Variants in DNM3 observed in about 807,000 individuals in gnomAD.
DNM3 encodes the protein dynamin-3.
Under a neutral mutation model 101.6 loss-of-function variants are expected in DNM3, and 47 were observed. The ratio of observed to expected loss-of-function variants is 0.46; its 90% CI spans 0.37 to 0.59. The LOEUF is 0.59. DNM3 is among the 20% of genes least tolerant of loss of function. The probability of loss-of-function intolerance (pLI) is 0.00; values close to 1 mark genes in which losing one functional copy is unlikely to be tolerated. For missense variants in DNM3, 849 were observed against 1,085.7 expected, an observed-to-expected ratio of 0.78 and a Z score of 3.06; for synonymous variants, 385 against 387.9, an observed-to-expected ratio of 0.99 and a Z score of 0.09.
chr1:171,852,025 A>G (rs2033038526), intron 1 of DNM3, among the ~76,000 whole-genome samples: 1 of 152,208 alleles, frequency 6.6e-6, no homozygotes, highest in Admixed American at 6.5e-5. Context: ...TTTTTATTAG[A>G]GAAGACACAA....
At chr1:172,299,296 G>A (rs114027258) in intron 15 of DNM3, among the ~76,000 whole-genome samples, 2,328 of 152,310 alleles carry the variant, frequency 0.015, 34 homozygotes, top group Non-Finnish European at 0.022. Context: ...CCATCATAGG[G>A]AGTGTGGCCT....
intron 14 of DNM3, among the ~76,000 whole-genome samples, chr1:172,154,635 G>A (rs756064517): frequency 1.3e-5 from 2 of 151,962 alleles, no homozygotes; most frequent in East Asian, 3.9e-4. Flanking sequence ...ATCCCACCCC[G>A]TAAATGTATT....
At chr1:172,289,767 A>G in intron 15 of DNM3, 2 of 985,222 alleles carry the variant, frequency 2.0e-6, no homozygotes, top group Non-Finnish European at 2.4e-6. Context: ...TTTAGTAAAC[A>G]GTGTGTAATT....
chr1:172,192,574 T>C (rs1287483274), intron 14 of DNM3, among the ~76,000 whole-genome samples: 1 of 137,174 alleles, frequency 7.3e-6, no homozygotes. Context: ...CCCCTTCCTG[T>C]GTCCATGTGT....
intron 1 of DNM3, among the ~76,000 whole-genome samples, chr1:171,850,228 A>C (rs1003159221): frequency 9.2e-5 from 14 of 152,168 alleles, no homozygotes; most frequent in African/African-American, 3.4e-4. Flanking sequence ...TTGAAATAAT[A>C]CCAAATCACT....
At chr1:171,998,137 T>A (rs543423184) in intron 4 of DNM3, among the ~76,000 whole-genome samples, 1 of 152,284 alleles carries the variant, frequency 6.6e-6, no homozygotes, top group African/African-American at 2.4e-5. Flanking sequence ...ATAGTGTAAT[T>A]CTTTCCATTA....
In DNM3 at chr1:172,160,638, G is replaced by A. The variant is rs115902751; in HGVS notation, c.1659+29350G>A. ...ACCTTCCTCTGGAATGCCTTTTCCA[G>A]GACCTGCCTATGACTGTTTTACAGT... On this transcript the variant is annotated intron_variant, in intron 14 of 20. Transcript: ENST00000627582. Among the ~76,000 whole-genome samples, 1,026 of 151,962 alleles carry A rather than the reference G, an allele frequency of 6.8e-3. 16 individuals are homozygous for A. The highest frequency in any genetic ancestry group is 0.024 in the African/African-American group (977 of 41,464).
chr1:172,413,558 G>GA (rs1485719679), downstream of DNM3, among the ~76,000 whole-genome samples: 2 of 152,192 alleles, frequency 1.3e-5, no homozygotes, highest in South Asian at 2.1e-4. Flanking sequence ...AATGTATTCA[G>GA]AAAATGAAAG....
chr1:172,323,209 A>T, intron 16 of DNM3, 120 bp from the exon 17 acceptor site: 1 of 1,082,242 alleles, frequency 9.2e-7, no homozygotes, highest in African/African-American at 2.0e-5. Context: ...CTCTAGCAAG[A>T]AAAACCTCAT....
intron 1 of DNM3, among the ~76,000 whole-genome samples, chr1:171,887,608 A>C (rs2036889643): frequency 2.6e-5 from 4 of 152,172 alleles, no homozygotes; most frequent in Admixed American, 2.0e-4. Flanking sequence ...ACTTAAGATA[A>C]ACCTTTAATT....
Position 172,251,663 on chromosome 1 carries a change from T to C in DNM3, c.1660-1910T>C, listed in dbSNP as rs73030906. ...TCACGATATGCTAAAGAATGCAGTA[T>C]AAAAGAGAGCCTACTTCTATAGAAA... On this transcript the variant is annotated intron_variant, in intron 14 of 20. Transcript: ENST00000627582. Among the ~76,000 whole-genome samples, 535 of 152,238 alleles carry C rather than the reference T, an allele frequency of 3.5e-3. 1 individual carries two copies. The highest frequency in any genetic ancestry group is 0.012 in the African/African-American group (513 of 41,558).
chr1:172,020,347 C>G lies in DNM3; in HGVS notation c.590-12055C>G, dbSNP rs78795846. ...GCTGGAGTTAGACATGTCCTTTGCC[C>G]TAATCTGTTAGGCTCTGGAAAACCC... On this transcript the variant is annotated intron_variant, in intron 4 of 20. Transcript: ENST00000627582. Among the ~76,000 whole-genome samples the G allele has an allele frequency of 9.9e-4, 150 of 152,194 alleles. 2 individuals carry two copies. In the East Asian group the frequency reaches 0.028, roughly 28 times the overall value.
chr1:172,133,248 A>G, intron 14 of DNM3: 2 of 1,091,788 alleles, frequency 1.8e-6, no homozygotes, highest in Non-Finnish European at 2.2e-6. Context: ...AGAAGCTTTG[A>G]AGGCTTGGTG....
Position 172,227,304 on chromosome 1 carries a change from A to ATATATATATATATG in DNM3, c.1660-26268_1660-26267insATATATATATATGT, listed in dbSNP as rs1215756972. 1.1e-3 allele frequency among the ~76,000 whole-genome samples: 145 copies of ATATATATATATATG among 131,520 alleles called. 3 individuals are homozygous for ATATATATATATATG. Among genetic ancestry groups the ATATATATATATATG allele is most frequent in the African/African-American group, 4.0e-3 (140 of 34,742 alleles). 86.3% of individuals were successfully genotyped at this position (131,520 alleles called of 152,430 possible). On this transcript the variant is annotated intron_variant, in intron 14 of 20. Coordinates refer to ENST00000627582, the MANE Select transcript of DNM3 (RefSeq NM_015569.5). Reference sequence around the variant, plus strand: ...TATATATATATATATATATATATATATCACATTTTCTTTATCCACTCGTCA... The same window carrying ATATATATATATATG: ...TATATATATATATATATATATATATATATATATATATATGTCACATTTTCTTTATCCACTCGTCA...
chr1:172,353,657 T>C (rs12142161), intron 17 of DNM3, among the ~76,000 whole-genome samples: 11,574 of 152,212 alleles, frequency 0.076, 493 homozygotes, highest in South Asian at 0.15. Flanking sequence ...ACTTGAATTT[T>C]CATTTTATGA....
chr1:172,052,217 C>T (rs1452090693), intron 10 of DNM3, among the ~76,000 whole-genome samples: 1 of 152,160 alleles, frequency 6.6e-6, no homozygotes, highest in Non-Finnish European at 1.5e-5. Flanking sequence ...TTCACAGCCA[C>T]ACCCCCTTCT....
chr1:171,937,353 C>T (rs2125395357), intron 2 of DNM3, among the ~76,000 whole-genome samples: 1 of 152,130 alleles, frequency 6.6e-6, no homozygotes, highest in South Asian at 2.1e-4. Flanking sequence ...TCTTAAACTA[C>T]AGCTTTGACC....
chr1:171,904,863 T>C (rs1165907890), intron 1 of DNM3, among the ~76,000 whole-genome samples: 1 of 152,088 alleles, frequency 6.6e-6, no homozygotes. Context: ...ATGCTGCCAG[T>C]GGAAAGAAGT....
chr1:171,941,694 T>A (rs2041827948), intron 2 of DNM3, among the ~76,000 whole-genome samples: 1 of 152,220 alleles, frequency 6.6e-6, no homozygotes, highest in Non-Finnish European at 1.5e-5. Flanking sequence ...TCCTTGTTCA[T>A]AGTATCCCTA....
Sources: allele counts gnomAD v4.1 joint callset (sites outside exome capture counted in the v4.1 genomes callset), GRCh38; gene constraint gnomAD v4.1.1; transcripts MANE v1.5; gene names NCBI Gene and HGNC (gene_info 2026-07-23, HGNC 2026-07-21).